The following ADGRL3 variants were observed in gnomAD, a reference collection of about 807,000 sequenced individuals.
The protein encoded by ADGRL3 is calcium-independent alpha-latrotoxin receptor 3.
Under a neutral mutation model 153.5 loss-of-function variants are expected in ADGRL3, and 62 were observed. That is an observed-to-expected ratio of 0.40 (90% CI 0.33 to 0.50). The LOEUF (loss-of-function observed/expected upper bound fraction) is 0.50, where lower values mean the gene tolerates loss of function less well. Among genes scored for constraint, ADGRL3 ranks in the 20% least tolerant of loss-of-function variants. ADGRL3 has a pLI of 0.47. For missense variants in ADGRL3, 1,641 were observed against 1,859.4 expected, an observed-to-expected ratio of 0.88 and a Z score of 2.16; for synonymous variants, 710 against 672.5, an observed-to-expected ratio of 1.06 and a Z score of -0.86.
intron 4 of ADGRL3, among the ~76,000 whole-genome samples, chr4:61,573,654 A>G (rs1370654609): frequency 6.6e-6 from 1 of 152,022 alleles, no homozygotes; most frequent in African/African-American, 2.4e-5. Flanking sequence ...GTCAACTAGA[A>G]TATCTTCTTT....
intron 1 of ADGRL3, among the ~76,000 whole-genome samples, chr4:61,290,751 G>A (rs1000342446): frequency 2.6e-5 from 4 of 151,718 alleles, no homozygotes; most frequent in African/African-American, 9.7e-5. Context: ...GGAAGAAAAG[G>A]AAAGGAAGGA....
intron 16 of ADGRL3, 114 bp from the exon 17 acceptor site, chr4:61,947,986 T>A: frequency 1.3e-6 from 1 of 760,944 alleles, no homozygotes; most frequent in Non-Finnish European, 2.1e-6. Flanking sequence ...TTGGTAGACA[T>A]CTCTAAAAAA....
intron 9 of ADGRL3, among the ~76,000 whole-genome samples, chr4:61,851,221 G>A (rs1369721701): frequency 4.6e-5 from 7 of 152,086 alleles, no homozygotes; most frequent in Non-Finnish European, 1.0e-4. Flanking sequence ...ACATAAGTGA[G>A]CAAAGGCGTG....
chr4:61,923,102 G>C lies in ADGRL3; in HGVS notation c.2112+10345G>C, dbSNP rs545853864. On this transcript the variant is annotated intron_variant, in intron 13 of 26. Transcript: ENST00000683033. ...GTGACAAGTGGTTGGAGAGTTCAGG[G>C]AATAGAAAGAAGACAAATATGCCTG... Among the ~76,000 whole-genome samples the C allele has an allele frequency of 3.6e-3, 543 of 152,258 alleles. 5 individuals carry two copies. The highest frequency in any genetic ancestry group is 5.9e-3 in the Non-Finnish European group (404 of 68,022).
intron 6 of ADGRL3, among the ~76,000 whole-genome samples, chr4:61,695,357 G>A (rs1246776683): frequency 1.3e-5 from 2 of 152,144 alleles, no homozygotes; most frequent in African/African-American, 4.8e-5. Flanking sequence ...TAATGTCCTT[G>A]TACATTATCA....
chr4:61,295,987 G>A lies in ADGRL3; in HGVS notation c.-239-87137G>A, dbSNP rs550282833. Among the ~76,000 whole-genome samples, 8 of 151,968 alleles carry A rather than the reference G, an allele frequency of 5.3e-5. No individual in the cohort carries two copies. In the South Asian group the frequency reaches 6.2e-4, roughly 12 times the overall value. ...AAGCAAAACAAAAACACAAGCAAGAGCACAGTATGACATTGATAACTGAAC... is the reference window on the plus strand; with the variant it reads ...AAGCAAAACAAAAACACAAGCAAGAACACAGTATGACATTGATAACTGAAC... On this transcript the variant is annotated intron_variant, in intron 1 of 26. Transcript: ENST00000683033.
At chr4:61,376,307 A>C (rs2096601593) in intron 1 of ADGRL3, among the ~76,000 whole-genome samples, 1 of 133,322 alleles carries the variant, frequency 7.5e-6, no homozygotes, top group South Asian at 2.4e-4. Flanking sequence ...AACCATGATT[A>C]GTATGCAAAT....
At chr4:61,238,599 A>G (rs1406077735) in intron 1 of ADGRL3, among the ~76,000 whole-genome samples, 1 of 152,020 alleles carries the variant, frequency 6.6e-6, no homozygotes, top group Non-Finnish European at 1.5e-5. Flanking sequence ...ATGAGCCCCA[A>G]TTACAGACAG....
At chr4:62,007,609 C>G (rs2099166394) in intron 21 of ADGRL3, among the ~76,000 whole-genome samples, 2 of 150,802 alleles carry the variant, frequency 1.3e-5, no homozygotes, top group Non-Finnish European at 3.0e-5. Context: ...GATGTGGCTC[C>G]TGGCTCACTG....
At chr4:61,435,993 G>A (rs1254981244) in intron 2 of ADGRL3, among the ~76,000 whole-genome samples, 1 of 151,970 alleles carries the variant, frequency 6.6e-6, no homozygotes, top group Admixed American at 6.6e-5. Context: ...AGTAGATTAT[G>A]TCAAATATTT....
chr4:62,040,435 A>G (rs573686779), intron 24 of ADGRL3, among the ~76,000 whole-genome samples: 175 of 152,182 alleles, frequency 1.1e-3, no homozygotes, highest in African/African-American at 3.9e-3. Context: ...TTAAATCTAT[A>G]TTATTTGTTT....
At chr4:61,596,129 C>A (rs978054663) in intron 5 of ADGRL3, among the ~76,000 whole-genome samples, 4 of 152,042 alleles carry the variant, frequency 2.6e-5, no homozygotes, top group Admixed American at 2.6e-4. Flanking sequence ...ACTTTGATTG[C>A]TCATCTGATT....
intron 1 of ADGRL3, among the ~76,000 whole-genome samples, chr4:61,223,847 T>A (rs1324661314): frequency 6.6e-6 from 1 of 152,122 alleles, no homozygotes; most frequent in Non-Finnish European, 1.5e-5. Flanking sequence ...AGTGAAGGAA[T>A]GATTTGTGGG....
In ADGRL3 at chr4:61,972,495, C is replaced by G. The variant is rs144013675; in HGVS notation, c.2806-7068C>G. On this transcript the variant is annotated intron_variant, in intron 17 of 26. Coordinates refer to ENST00000683033, the MANE Select transcript of ADGRL3 (RefSeq NM_001387552.1). The stretch of plus-strand genomic sequence containing the variant: ...ATATGCGGTGTTATTTCTGAGGGCT[C>G]TGTTCTGTTCCATTGATCTAAATCT... Among the ~76,000 whole-genome samples the G allele has an allele frequency of 5.5e-3, 831 of 152,222 alleles. 4 individuals are homozygous for G. The highest frequency in any genetic ancestry group is 0.019 in the African/African-American group (783 of 41,516).
At chr4:61,502,024 T>A (rs1297455484) in intron 3 of ADGRL3, among the ~76,000 whole-genome samples, 2 of 152,190 alleles carry the variant, frequency 1.3e-5, no homozygotes, top group African/African-American at 4.8e-5. Context: ...CTGAAGCAGA[T>A]GGCCAGTTCT....
chr4:61,843,572 A>G lies in ADGRL3; in HGVS notation c.1480+29683A>G, dbSNP rs78279358. Reference sequence around the variant, plus strand: ...AGGCAAAACTAAGAGCATGATAAAAAGATGGCTGCTTTTGTACCAGCTCTG... The same window carrying G: ...AGGCAAAACTAAGAGCATGATAAAAGGATGGCTGCTTTTGTACCAGCTCTG... On this transcript the variant is annotated intron_variant, in intron 9 of 26. Coordinates refer to ENST00000683033, the MANE Select transcript of ADGRL3 (RefSeq NM_001387552.1). Among the ~76,000 whole-genome samples the G allele has an allele frequency of 5.0e-3, 762 of 152,346 alleles. 3 individuals carry two copies. Among genetic ancestry groups the G allele is most frequent in the African/African-American group, 0.017 (715 of 41,580 alleles).
chr4:62,047,026 A>G (rs1456001826), intron 25 of ADGRL3, among the ~76,000 whole-genome samples: 2 of 152,028 alleles, frequency 1.3e-5, no homozygotes, highest in East Asian at 3.9e-4. Context: ...CACCTAAGCA[A>G]CATAATTATT....
At chr4:61,389,233 G>A (rs371360400) in intron 2 of ADGRL3, among the ~76,000 whole-genome samples, 113 of 152,308 alleles carry the variant, frequency 7.4e-4, no homozygotes, top group African/African-American at 2.7e-3. Context: ...TGGGGATTGA[G>A]TGGGAGTAAC....
At chr4:61,655,440 A>T (rs1207995829) in intron 5 of ADGRL3, among the ~76,000 whole-genome samples, 18 of 152,166 alleles carry the variant, frequency 1.2e-4, no homozygotes, top group Non-Finnish European at 7.4e-5. Flanking sequence ...ATTTTCTTTA[A>T]CAGTAATGTT....
Sources: gnomAD v4.1 joint callset for allele counts (sites outside exome capture counted in the v4.1 genomes callset) on GRCh38, gnomAD v4.1.1 for gene constraint, MANE v1.5 for transcripts, NCBI Gene and HGNC (gene_info 2026-07-23, HGNC 2026-07-21) for gene names.